SLC35D4: variants seen among roughly 807,000 people sequenced by gnomAD.
SLC35D4 encodes the protein UDP-N-acetylglucosamine transporter SLC35D4.
chr18:23,352,149 A>G, the SLC35D4 span: 14 of 1,531,324 alleles, frequency 9.1e-6, no homozygotes, highest in South Asian at 1.6e-4. Flanking sequence ...AGATCTTTGG[A>G]TACACAGGCT....
At chr18:23,324,808 G>C in the SLC35D4 span, among the ~76,000 whole-genome samples, 2 of 152,232 alleles carry the variant, frequency 1.3e-5, no homozygotes, top group Admixed American at 1.3e-4. Flanking sequence ...ACGCCACTGA[G>C]TGTAAACTGT....
At chr18:23,268,547 G>A in the SLC35D4 span, among the ~76,000 whole-genome samples, 1 of 152,012 alleles carries the variant, frequency 6.6e-6, no homozygotes, top group Non-Finnish European at 1.5e-5. Context: ...CAAGGTTCGA[G>A]AGTCACAGCC....
At chr18:23,278,411 A>G in the SLC35D4 span, among the ~76,000 whole-genome samples, 1 of 152,226 alleles carries the variant, frequency 6.6e-6, no homozygotes, top group African/African-American at 2.4e-5. Flanking sequence ...TAAAAGCAAA[A>G]GTCTGGCTTT....
the SLC35D4 span, among the ~76,000 whole-genome samples, chr18:23,261,385 C>G: frequency 6.6e-6 from 1 of 152,064 alleles, no homozygotes; most frequent in African/African-American, 2.4e-5. Context: ...CCTGTAATCC[C>G]AGCACTCTGG....
the SLC35D4 span, among the ~76,000 whole-genome samples, chr18:23,417,190 T>C: frequency 6.7e-6 from 1 of 149,886 alleles, no homozygotes; most frequent in South Asian, 2.1e-4. Flanking sequence ...TGCAGTGAGC[T>C]AAGATTGAGC....
the SLC35D4 span, among the ~76,000 whole-genome samples, chr18:23,424,402 A>G: frequency 6.6e-6 from 1 of 152,206 alleles, no homozygotes; most frequent in Admixed American, 6.5e-5. Context: ...CCTACCAGAC[A>G]CCAAGCATTG....
the SLC35D4 span, among the ~76,000 whole-genome samples, chr18:23,260,885 A>AAAGCT: frequency 6.6e-6 from 1 of 152,152 alleles, no homozygotes; most frequent in Non-Finnish European, 1.5e-5. Flanking sequence ...GCTGCAAAGC[A>AAAGCT]AAGCTGAGAT....
chr18:23,294,319 G>A, the SLC35D4 span, among the ~76,000 whole-genome samples: 1 of 152,138 alleles, frequency 6.6e-6, no homozygotes, highest in African/African-American at 2.4e-5. Context: ...GACTCCCTAA[G>A]CAGAAAATGA....
At chr18:23,314,916 G>T in the SLC35D4 span, among the ~76,000 whole-genome samples, 1 of 152,204 alleles carries the variant, frequency 6.6e-6, no homozygotes, top group Non-Finnish European at 1.5e-5. Context: ...CACAACCTCT[G>T]TGTTATTTAA....
chr18:23,390,021 C>T, the SLC35D4 span, among the ~76,000 whole-genome samples: 1 of 152,114 alleles, frequency 6.6e-6, no homozygotes, highest in East Asian at 1.9e-4. Flanking sequence ...AACAAAAATG[C>T]TAAGAAATGA....
At chr18:23,291,940 C>T in the SLC35D4 span, among the ~76,000 whole-genome samples, 67 of 152,242 alleles carry the variant, frequency 4.4e-4, no homozygotes, top group African/African-American at 1.4e-3. Context: ...CAGGAGAAGC[C>T]CAAAAGTCTC....
chr18:23,286,690 A>C, the SLC35D4 span, among the ~76,000 whole-genome samples: 1 of 151,408 alleles, frequency 6.6e-6, no homozygotes, highest in African/African-American at 2.4e-5. Context: ...TGCCTCCATA[A>C]CTGTTGTAGG....
the SLC35D4 span, among the ~76,000 whole-genome samples, chr18:23,397,747 GGT>G: frequency 1.3e-5 from 2 of 152,156 alleles, no homozygotes; most frequent in East Asian, 3.8e-4. Context: ...AAAGGCAAAA[GGT>G]GGGGAGTTAG....
chr18:23,271,497 A>G, the SLC35D4 span, among the ~76,000 whole-genome samples: 6 of 152,334 alleles, frequency 3.9e-5, no homozygotes, highest in African/African-American at 1.4e-4. Context: ...CTGTGATACA[A>G]TAAGAATTAT....
chr18:23,437,642 G>C, the SLC35D4 span: 1 of 834,758 alleles, frequency 1.2e-6, no homozygotes, highest in South Asian at 1.6e-5. Context: ...TCCCACACAC[G>C]GAGGAGGTTC....
the SLC35D4 span, among the ~76,000 whole-genome samples, chr18:23,336,867 G>T: frequency 6.6e-6 from 1 of 152,146 alleles, no homozygotes; most frequent in Non-Finnish European, 1.5e-5. Context: ...AGGATGACTA[G>T]AAAGAAAGAA....
the SLC35D4 span, among the ~76,000 whole-genome samples, chr18:23,315,881 A>T: frequency 6.6e-6 from 1 of 152,214 alleles, no homozygotes; most frequent in Admixed American, 6.5e-5. Flanking sequence ...TCATGGTTGG[A>T]AGAAGGAAGG....
the SLC35D4 span, chr18:23,370,354 G>A: frequency 4.9e-5 from 65 of 1,335,692 alleles, no homozygotes; most frequent in Admixed American, 1.5e-4. Flanking sequence ...CATGGATAAA[G>A]GCTCCCAAAA....
At chr18:23,407,145 G>T in the SLC35D4 span, among the ~76,000 whole-genome samples, 1 of 152,146 alleles carries the variant, frequency 6.6e-6, no homozygotes, top group Admixed American at 6.5e-5. Context: ...GGCAAAACCG[G>T]ATCCATATCC....
Sources: allele counts gnomAD v4.1 joint callset (sites outside exome capture counted in the v4.1 genomes callset), GRCh38; gene constraint gnomAD v4.1.1; transcripts MANE v1.5; gene names NCBI Gene and HGNC (gene_info 2026-07-23, HGNC 2026-07-21).